DMKN: variants seen among roughly 807,000 people sequenced by gnomAD.
DMKN encodes epidermis-specific secreted protein SK30/SK89.
A neutral mutation model predicts 67.6 loss-of-function variants in DMKN; 58 were observed. The observed-to-expected ratio is 0.86, with a 90% confidence interval of 0.69 to 1.07. The LOEUF (loss-of-function observed/expected upper bound fraction) is 1.07, where lower values mean the gene tolerates loss of function less well. DMKN is among the 50% of genes least tolerant of loss of function. The pLI is 0.00. For missense variants in DMKN, 596 were observed against 601.5 expected (o/e 0.99, Z 0.10); for synonymous variants, 240 against 232.3 (o/e 1.03, Z -0.30).
At chr19:35,503,417 G>A (rs567301327) in intron 9 of DMKN, 42 of 1,551,402 alleles carry the variant, frequency 2.7e-5, no homozygotes, top group Non-Finnish European at 3.4e-5. Context: ...TCCTTGTCTG[G>A]AGGTCACGGG....
intron 9 of DMKN, chr19:35,503,514 C>A (rs1352716442): frequency 1.3e-6 from 2 of 1,526,352 alleles, no homozygotes; most frequent in African/African-American, 1.4e-5. Flanking sequence ...CTCGCTCTGT[C>A]GCCCAGGCTG....
intron 5 of DMKN, among the ~76,000 whole-genome samples, chr19:35,511,094 G>A (rs980656572): frequency 6.6e-6 from 1 of 152,142 alleles, no homozygotes; most frequent in Non-Finnish European, 1.5e-5. Flanking sequence ...GCCACCCCAC[G>A]GTCTCCTGAG....
chr19:35,498,553 G>A, intron 15 of DMKN, 163 bp downstream of exon 15: 1 of 937,492 alleles, frequency 1.1e-6, no homozygotes. Flanking sequence ...CCACCATGAG[G>A]TCCCCTCTTC....
At position 35,498,464 on chromosome 19, in the gene DMKN, C is replaced by T. The variant is rs1055114653; in HGVS notation, c.*252G>A. 8.9e-6 allele frequency: 5 copies of T among 561,274 alleles called. No individual in the cohort carries two copies. The African/African-American group carries it at 9.5e-5, about 11-fold the overall frequency. 34.8% of individuals were successfully genotyped at this position (561,274 alleles called of 1,614,324 possible). A position where few individuals can be genotyped will look rare whatever the true frequency, so the allele number is the denominator to read the frequency against. On this transcript the variant is annotated intron_variant, in intron 15 of 15. Coordinates refer to ENST00000339686, the MANE Select transcript of DMKN (RefSeq NM_033317.5). ...ACTCAAGTGATCCTCCCACCCCAGC[C>T]TCCCAAAGCACAGAGATTACAGGCA...
At chr19:35,507,624 T>G in intron 7 of DMKN, 2 of 891,964 alleles carry the variant, frequency 2.2e-6, no homozygotes, top group Non-Finnish European at 3.6e-6. Context: ...GACTGAGACA[T>G]GAGCATGACA....
At chr19:35,511,963 C>A in intron 3 of DMKN, 150 bp from the exon 4 acceptor site, 1 of 813,396 alleles carries the variant, frequency 1.2e-6, no homozygotes, top group Non-Finnish European at 1.9e-6. Flanking sequence ...CCATCTGCCT[C>A]CTCCCCAGGC....
chr19:35,500,220 C>T, intron 12 of DMKN, 191 bp from the exon 13 acceptor site: 4 of 1,219,298 alleles, frequency 3.3e-6, no homozygotes, highest in Non-Finnish European at 4.6e-6. Context: ...CCTGCCTTTA[C>T]TGTCCTAGCC....
intron 7 of DMKN, 174 bp from the exon 8 acceptor site, chr19:35,506,160 C>T (rs1445665553): frequency 2.6e-6 from 4 of 1,543,554 alleles, no homozygotes; most frequent in Admixed American, 2.0e-5. Flanking sequence ...GTCACCTCCT[C>T]CACTGCCCCA....
At position 35,498,897 on chromosome 19, in the gene DMKN, C is replaced by T; in HGVS notation, c.1360G>A (p.Gly454Arg). 6.2e-7 allele frequency: 1 copy of T among 1,614,160 alleles called. No individual in the cohort carries two copies. The highest frequency in any genetic ancestry group is 8.5e-7 in the Non-Finnish European group (1 of 1,180,018). ...ACCGAGGAAGAAGGTGAGACTCCCC[C>T]CTGCAAAAAGATCAAAGGAAAGTGA... is the stretch of plus-strand genomic sequence containing the variant. ...GKYSVKTPAKGGVSPSSSASR... is the reference protein window; with the variant it reads ...GKYSVKTPAKRGVSPSSSASR... The change falls in exon 14 of 16, where the codon GGG becomes AGG. Residue 454 changes from glycine to arginine, a missense_variant and splice_region_variant. Gly to Arg is a moderately radical substitution (Grantham distance 125, BLOSUM62 -2). Coordinates refer to ENST00000339686, the MANE Select transcript of DMKN (RefSeq NM_033317.5).
chr19:35,501,115 AC>A (rs113521227), intron 11 of DMKN, among the ~76,000 whole-genome samples: 14 of 151,480 alleles, frequency 9.2e-5, no homozygotes, highest in Admixed American at 5.3e-4. Flanking sequence ...TGCACCGGAC[AC>A]CCCCCCCAGC....
At position 35,512,702 on chromosome 19, in the gene DMKN, CA is replaced by C; in HGVS notation, c.514del (p.Trp172GlyfsTer15). The C allele has an allele frequency of 6.2e-7, 1 of 1,614,210 alleles. No individual in the cohort carries two copies. The highest frequency in any genetic ancestry group is 8.5e-7 in the Non-Finnish European group (1 of 1,180,026). ...TGAGTTTCCGGGGTATCCGTGGACC[CA>C]CGGAGTCCCCAGACCTCCAGGATTG... Reference protein sequence around the residue: ...QGNPGGLGTPWVHGYPGNSAG... With the variant: ...QGNPGGLGTPXVHGYPGNSAG... On this transcript the variant is annotated frameshift_variant, in exon 2 of 16. Coordinates refer to ENST00000339686, the MANE Select transcript of DMKN (RefSeq NM_033317.5). LOFTEE classifies it high-confidence loss of function.
intron 7 of DMKN, among the ~76,000 whole-genome samples, chr19:35,508,801 T>C (rs951647409): frequency 6.6e-6 from 1 of 152,104 alleles, no homozygotes; most frequent in East Asian, 1.9e-4. Context: ...AAAGTGAAAT[T>C]GCAGGAGTAT....
rs759139055 is a variant in DMKN, at chr19:35,510,207, C to T, written c.964G>A (p.Gly322Arg). Residue 322 changes from glycine to arginine, a missense_variant, in exon 6 of 16, where the codon GGA (glycine) becomes AGA (arginine). Coordinates refer to ENST00000339686, the MANE Select transcript of DMKN (RefSeq NM_033317.5). ...ACCCCGGGTTTATGTCCATTTCCTC[C>T]GCCGCTCCCACCGTGGTTGCCGGAG... is the stretch of plus-strand genomic sequence containing the variant. ...SSSGNHGGSG[G>R]GNGHKPGCEK... The T allele has an allele frequency of 6.2e-6, 10 of 1,608,758 alleles. No homozygotes were observed. The highest frequency in any genetic ancestry group is 8.5e-6 in the Non-Finnish European group (10 of 1,177,918).
At chr19:35,506,240 G>C in intron 7 of DMKN, 6 of 1,451,232 alleles carry the variant, frequency 4.1e-6, no homozygotes, top group Non-Finnish European at 4.5e-6. Context: ...TATCATGCCT[G>C]CCACCTGTCA....
chr19:35,500,530 C>T lies in DMKN; in HGVS notation c.1287+3G>A, dbSNP rs2068180458. On this transcript the variant is annotated splice_donor_region_variant and intron_variant, in intron 12 of 15. Coordinates refer to ENST00000339686, the MANE Select transcript of DMKN (RefSeq NM_033317.5). Reference sequence around the variant, plus strand: ...GCAGGGTAACTTGAGGACAGAGACTCACCTGATCGTCTCTGCCTGCACGTT... The same window carrying T: ...GCAGGGTAACTTGAGGACAGAGACTTACCTGATCGTCTCTGCCTGCACGTT... 1 of 1,610,784 alleles carries T rather than the reference C, an allele frequency of 6.2e-7. No individual in the cohort carries two copies. The highest frequency in any genetic ancestry group is 1.3e-5 in the African/African-American group (1 of 74,892).
chr19:35,500,482 G>A, intron 12 of DMKN, 51 bp downstream of exon 12: 1 of 1,590,322 alleles, frequency 6.3e-7, no homozygotes, highest in East Asian at 2.3e-5. Context: ...CCGGGAGCAA[G>A]GCCAAGGGGG....
chr19:35,502,072 G>C, intron 11 of DMKN, 64 bp downstream of exon 11: 1 of 1,610,646 alleles, frequency 6.2e-7, no homozygotes, highest in Non-Finnish European at 8.5e-7. Flanking sequence ...AGACACCTGG[G>C]TCAGCGGCTC....
intron 9 of DMKN, 95 bp from the exon 10 acceptor site, chr19:35,502,981 T>A: frequency 2.2e-6 from 3 of 1,339,054 alleles, no homozygotes; most frequent in Non-Finnish European, 3.1e-6. Context: ...CTTCAGAATG[T>A]CATTGTGACT....
At chr19:35,512,843 G>C in intron 1 of DMKN, 53 bp from the exon 2 acceptor site, 1 of 1,578,648 alleles carries the variant, frequency 6.3e-7, no homozygotes, top group Non-Finnish European at 8.6e-7. Flanking sequence ...CCCTGGTAGA[G>C]AAGAGCCAGG....
Sources: gnomAD v4.1 joint callset for allele counts (sites outside exome capture counted in the v4.1 genomes callset) on GRCh38, gnomAD v4.1.1 for gene constraint, MANE v1.5 for transcripts, NCBI Gene and HGNC (gene_info 2026-07-23, HGNC 2026-07-21) for gene names.